Variants in CNTNAP2 observed in about 807,000 individuals in gnomAD.
CNTNAP2 encodes the protein contactin-associated protein-like 2.
A neutral mutation model predicts 155.2 loss-of-function variants in CNTNAP2; 98 were observed. The ratio of observed to expected loss-of-function variants is 0.63; its 90% CI spans 0.54 to 0.75. The LOEUF (loss-of-function observed/expected upper bound fraction) is 0.75, where lower values mean the gene tolerates loss of function less well. CNTNAP2 is among the 30% of genes least tolerant of loss of function. The pLI, the probability that CNTNAP2 is intolerant of heterozygous loss-of-function variation, is 0.00. For synonymous variants in CNTNAP2, 651 were observed against 631.2 expected (o/e 1.03, Z -0.47); for missense variants, 1,727 against 1,688.1 (o/e 1.02, Z -0.40).
intron 15 of CNTNAP2, among the ~76,000 whole-genome samples, chr7:148,004,637 G>A (rs1801944281): frequency 6.6e-6 from 1 of 152,038 alleles, no homozygotes; most frequent in Non-Finnish European, 1.5e-5. Context: ...TGACCCAGTG[G>A]AGTACCTATT....
intron 1 of CNTNAP2, among the ~76,000 whole-genome samples, chr7:146,472,341 T>C (rs1013084354): frequency 6.6e-6 from 1 of 152,228 alleles, no homozygotes; most frequent in Non-Finnish European, 1.5e-5. Context: ...TTATGTTCCA[T>C]ATTTTAAAGA....
chr7:148,060,677 TA>T (rs1465345036), intron 15 of CNTNAP2, among the ~76,000 whole-genome samples: 3 of 152,222 alleles, frequency 2.0e-5, no homozygotes, highest in Non-Finnish European at 4.4e-5. Context: ...ATAGACAAGG[TA>T]AAATCAGCTC....
At chr7:146,366,683 C>A (rs563720524) in intron 1 of CNTNAP2, among the ~76,000 whole-genome samples, 1 of 152,156 alleles carries the variant, frequency 6.6e-6, no homozygotes, top group Non-Finnish European at 1.5e-5. Context: ...GAGATATTGT[C>A]CATCATTTAT....
At position 146,566,806 on chromosome 7, in the gene CNTNAP2, A is replaced by G. The variant is rs567198391; in HGVS notation, c.98-207465A>G. The stretch of plus-strand genomic sequence containing the variant: ...TTGGATTATAACCCTTCCTCCTGCA[A>G]ATTTATTTTTCTATGATCCTAGAAA... On this transcript the variant is annotated intron_variant, in intron 1 of 23. Transcript: ENST00000361727. Among the ~76,000 whole-genome samples the G allele has an allele frequency of 5.5e-4, 83 of 152,272 alleles. 1 individual carries two copies. The South Asian group carries it at 0.017, about 31-fold the overall frequency.
chr7:147,162,405 T>G (rs538563820), intron 8 of CNTNAP2, among the ~76,000 whole-genome samples: 1 of 152,346 alleles, frequency 6.6e-6, no homozygotes, highest in African/African-American at 2.4e-5. Flanking sequence ...TGTTCTTCCC[T>G]CTGATCTGTT....
At chr7:146,760,540 T>G (rs1802079952) in intron 1 of CNTNAP2, among the ~76,000 whole-genome samples, 1 of 147,170 alleles carries the variant, frequency 6.8e-6, no homozygotes, top group Non-Finnish European at 1.5e-5. Flanking sequence ...TCCTCCCACC[T>G]TAGCCTCCTA....
intron 1 of CNTNAP2, among the ~76,000 whole-genome samples, chr7:146,336,410 A>G (rs1307348544): frequency 1.3e-5 from 2 of 152,048 alleles, no homozygotes; most frequent in Non-Finnish European, 2.9e-5. Flanking sequence ...AATTATCTCA[A>G]TTTGATTGTA....
chr7:146,697,056 G>GTGT (rs1800793822), intron 1 of CNTNAP2, among the ~76,000 whole-genome samples: 1 of 152,050 alleles, frequency 6.6e-6, no homozygotes, highest in African/African-American at 2.4e-5. Flanking sequence ...TATTTGGTGT[G>GTGT]TGTTGACTCT....
intron 13 of CNTNAP2, among the ~76,000 whole-genome samples, chr7:147,673,853 ACTT>A (rs1316366061): frequency 6.6e-6 from 1 of 152,234 alleles, no homozygotes; most frequent in African/African-American, 2.4e-5. Context: ...TGCTACCTAT[ACTT>A]CTTTATATCT....
At chr7:146,568,016 G>T (rs1455124259) in intron 1 of CNTNAP2, among the ~76,000 whole-genome samples, 1 of 152,074 alleles carries the variant, frequency 6.6e-6, no homozygotes, top group African/African-American at 2.4e-5. Flanking sequence ...TTTATTTCAA[G>T]AAATGTGTAT....
chr7:148,279,717 A>G (rs919524409), intron 21 of CNTNAP2, among the ~76,000 whole-genome samples: 6 of 152,182 alleles, frequency 3.9e-5, no homozygotes, highest in Admixed American at 2.0e-4. Flanking sequence ...GCAAAAAAGA[A>G]AAAAGCCTAT....
chr7:146,657,657 G>T lies in CNTNAP2; in HGVS notation c.98-116614G>T, dbSNP rs1376211929. ...TTGTTCTCTAAACTACTAGTTTTTT[G>T]CCATAACTGTTTTTTCTTTGGGATT... On this transcript the variant is annotated intron_variant, in intron 1 of 23. Coordinates refer to ENST00000361727, the MANE Select transcript of CNTNAP2 (RefSeq NM_014141.6). 7.9e-5 allele frequency among the ~76,000 whole-genome samples: 12 copies of T among 151,708 alleles called. No individual in the cohort carries two copies. The East Asian group carries it at 2.3e-3, about 30-fold the overall frequency.
At chr7:146,425,016 A>G (rs1796068172) in intron 1 of CNTNAP2, among the ~76,000 whole-genome samples, 1 of 152,206 alleles carries the variant, frequency 6.6e-6, no homozygotes, top group Non-Finnish European at 1.5e-5. Flanking sequence ...ATTATTAATC[A>G]CTAGGTATAA....
chr7:147,342,908 T>TTA (rs1348593804), intron 9 of CNTNAP2, among the ~76,000 whole-genome samples: 3 of 152,158 alleles, frequency 2.0e-5, no homozygotes, highest in African/African-American at 4.8e-5. Context: ...ATTCCTTCCT[T>TTA]TATATATATA....
intron 9 of CNTNAP2, chr7:147,378,240 G>T: frequency 1.1e-5 from 3 of 261,958 alleles, no homozygotes; most frequent in South Asian, 7.2e-5. Flanking sequence ...CTGTAGCTTT[G>T]TCTCATCTGC....
At chr7:147,643,089 C>T (rs10156072) in intron 13 of CNTNAP2, among the ~76,000 whole-genome samples, 3,786 of 152,178 alleles carry the variant, frequency 0.025, 161 homozygotes, top group African/African-American at 0.086. Flanking sequence ...AACAAACACC[C>T]ATGGGTAATT....
intron 1 of CNTNAP2, among the ~76,000 whole-genome samples, chr7:146,587,650 A>C (rs754565919): frequency 1.1e-4 from 16 of 152,128 alleles, no homozygotes; most frequent in Middle Eastern, 3.4e-3. Context: ...TGTTTGATTA[A>C]TATACATCTG....
In CNTNAP2 at chr7:147,833,972, G is replaced by A. The variant is rs185710087; in HGVS notation, c.2099-69593G>A. Among the ~76,000 whole-genome samples the A allele has an allele frequency of 1.0e-4, 15 of 149,116 alleles. No individual in the cohort carries two copies. The East Asian group carries it at 3.1e-3, about 31-fold the overall frequency. ...AGGGGACGGCATGAAGACAGATTCA[G>A]AAGTCATGGAGAGGAAGGTACACAT... On this transcript the variant is annotated intron_variant, in intron 13 of 23. Transcript: ENST00000361727.
intron 11 of CNTNAP2, among the ~76,000 whole-genome samples, chr7:147,512,923 C>T (rs956778772): frequency 9.9e-5 from 15 of 151,976 alleles, no homozygotes; most frequent in African/African-American, 3.6e-4. Context: ...AGTTAGCAAG[C>T]AGAGCTATGT....
Sources: gnomAD v4.1 joint callset for allele counts (sites outside exome capture counted in the v4.1 genomes callset) on GRCh38, gnomAD v4.1.1 for gene constraint, MANE v1.5 for transcripts, NCBI Gene and HGNC (gene_info 2026-07-23, HGNC 2026-07-21) for gene names.